Variants in RNF180 observed in about 807,000 individuals in gnomAD.
RNF180 encodes E3 ubiquitin-protein ligase RNF180.
RNF180 carries 38 observed loss-of-function variants against 59.2 expected under a neutral mutation model. That is an observed-to-expected ratio of 0.64 (90% CI 0.50 to 0.84). RNF180 has a LOEUF of 0.84. RNF180 is among the 40% of genes least tolerant of loss of function. The pLI is 0.00. For synonymous variants in RNF180, 262 were observed against 240.3 expected, an observed-to-expected ratio of 1.09 and a Z score of -0.84; for missense variants, 705 against 700.9, an observed-to-expected ratio of 1.01 and a Z score of -0.07.
intron 1 of RNF180, among the ~76,000 whole-genome samples, chr5:64,183,441 CTTT>C (rs367772828): frequency 2.2e-5 from 2 of 89,914 alleles, no homozygotes; most frequent in Admixed American, 1.3e-4. Flanking sequence ...GAAAGTATAC[CTTT>C]TTTTTTTTTT....
intron 1 of RNF180, among the ~76,000 whole-genome samples, chr5:64,194,336 A>G (rs573872387): frequency 9.2e-4 from 140 of 152,288 alleles, no homozygotes; most frequent in Non-Finnish European, 1.3e-3. Context: ...ACAAGAACTC[A>G]TCCTTTTTTA....
intron 1 of RNF180, among the ~76,000 whole-genome samples, chr5:64,199,409 A>C: frequency 6.6e-6 from 1 of 152,024 alleles, no homozygotes; most frequent in African/African-American, 2.4e-5. Context: ...CCCTCGGGTA[A>C]TTTTTTTTAA....
At chr5:64,167,485 T>C (rs1431429094) in intron 1 of RNF180, among the ~76,000 whole-genome samples, 2 of 152,202 alleles carry the variant, frequency 1.3e-5, no homozygotes, top group Non-Finnish European at 2.9e-5. Flanking sequence ...AAAAATAATA[T>C]TGAAAAAATC....
At chr5:64,199,173 T>C (rs1206217612) in intron 1 of RNF180, among the ~76,000 whole-genome samples, 3 of 152,168 alleles carry the variant, frequency 2.0e-5, no homozygotes, top group African/African-American at 7.2e-5. Flanking sequence ...AGTGGTCAAC[T>C]GGGCTAAGAT....
Position 64,214,359 on chromosome 5 carries a change from G to T in RNF180, c.1033G>T (p.Ala345Ser). 1.2e-6 allele frequency: 2 copies of T among 1,614,014 alleles called. No homozygotes were observed. Among genetic ancestry groups the T allele is most frequent in the Non-Finnish European group, 1.7e-6 (2 of 1,179,980 alleles). ...CTCAGCTGGCAGGAGCATGCCGGAGGCCTCAGACCAGGAAGAGCACCTCTC... is the reference window on the plus strand; with the variant it reads ...CTCAGCTGGCAGGAGCATGCCGGAGTCCTCAGACCAGGAAGAGCACCTCTC... ...LPSAGRSMPEASDQEEHLSPL... is the reference protein window; with the variant it reads ...LPSAGRSMPESSDQEEHLSPL... The change falls in exon 4 of 8, where the codon GCC becomes TCC. Residue 345 changes from alanine (A) to serine (S), a missense_variant. By Grantham distance (99) the Ala-to-Ser change is moderately conservative. Coordinates refer to ENST00000389100, the MANE Select transcript of RNF180 (RefSeq NM_001113561.2).
chr5:64,206,181 T>TA (rs1752008220), intron 2 of RNF180, among the ~76,000 whole-genome samples: 3 of 152,334 alleles, frequency 2.0e-5, no homozygotes, highest in South Asian at 4.1e-4. Flanking sequence ...CCATTGGTTT[T>TA]AAAAGAAATC....
chr5:64,354,832 G>C (rs1745954476), intron 7 of RNF180, among the ~76,000 whole-genome samples: 1 of 151,620 alleles, frequency 6.6e-6, no homozygotes, highest in Non-Finnish European at 1.5e-5. Context: ...GGAAGGGATT[G>C]TTTTACTTGA....
At chr5:64,292,378 AG>A (rs1240887062) in intron 5 of RNF180, among the ~76,000 whole-genome samples, 1 of 152,032 alleles carries the variant, frequency 6.6e-6, no homozygotes, top group Admixed American at 6.5e-5. Context: ...ATTATTTTAT[AG>A]GGCTGCTGTG....
At chr5:64,311,261 G>A (rs904261923) in intron 5 of RNF180, among the ~76,000 whole-genome samples, 2 of 151,938 alleles carry the variant, frequency 1.3e-5, no homozygotes, top group Admixed American at 6.6e-5. Context: ...TTGGGATAGA[G>A]GAAGTAAGTT....
At chr5:64,221,013 C>T (rs1463129921) in intron 5 of RNF180, among the ~76,000 whole-genome samples, 1 of 151,994 alleles carries the variant, frequency 6.6e-6, no homozygotes, top group South Asian at 2.1e-4. Flanking sequence ...AAAGACATAT[C>T]TTCTACAAAG....
At chr5:64,291,501 T>C (rs942902280) in intron 5 of RNF180, among the ~76,000 whole-genome samples, 3 of 141,866 alleles carry the variant, frequency 2.1e-5, no homozygotes, top group East Asian at 2.3e-4. Context: ...CTTGGCTCAC[T>C]GCAAGCTCCG....
rs757440879 is a variant in RNF180 at position 64,213,602 on chromosome 5, C to T, written c.276C>T (p.Ala92=). Residue 92 remains alanine (A), a synonymous_variant, in exon 4 of 8, where the codon GCC becomes GCT. Coordinates refer to ENST00000389100, the MANE Select transcript of RNF180 (RefSeq NM_001113561.2). The part of the protein sequence containing the change: ...VGKLNCPFCG[A]RLGGFNFVST... ...AACTGAATTGTCCTTTCTGTGGGGC[C>T]CGTTTAGGGGGCTTTAATTTTGTCA... 60 of 1,613,856 alleles carry T rather than the reference C, an allele frequency of 3.7e-5. 1 individual carries two copies. Among genetic ancestry groups the T allele is most frequent in the Non-Finnish European group, 5.1e-5 (60 of 1,179,912 alleles).
intron 5 of RNF180, among the ~76,000 whole-genome samples, chr5:64,253,012 A>G (rs1213027398): frequency 6.6e-6 from 1 of 152,110 alleles, no homozygotes; most frequent in Non-Finnish European, 1.5e-5. Flanking sequence ...TAAAGGAAGG[A>G]AAAGATACAA....
intron 1 of RNF180, among the ~76,000 whole-genome samples, chr5:64,186,856 A>C (rs190702487): frequency 4.6e-5 from 7 of 152,272 alleles, no homozygotes; most frequent in African/African-American, 1.7e-4. Flanking sequence ...ACATTTTGGA[A>C]AGTGTATTTC....
At chr5:64,367,592 C>A (rs1184690274) in intron 7 of RNF180, among the ~76,000 whole-genome samples, 3 of 151,506 alleles carry the variant, frequency 2.0e-5, no homozygotes, top group African/African-American at 7.3e-5. Flanking sequence ...AAACTTAATA[C>A]ATAAAAAATA....
At chr5:64,366,308 G>A (rs941684140) in intron 7 of RNF180, among the ~76,000 whole-genome samples, 7 of 151,586 alleles carry the variant, frequency 4.6e-5, no homozygotes, top group African/African-American at 1.7e-4. Flanking sequence ...CTTCTGGCTT[G>A]TAAGGTTTCT....
intron 2 of RNF180, among the ~76,000 whole-genome samples, chr5:64,207,935 G>A (rs1752104960): frequency 6.6e-6 from 1 of 151,894 alleles, no homozygotes; most frequent in African/African-American, 2.4e-5. Flanking sequence ...ATTAGCTGAA[G>A]GAATGTTATT....
chr5:64,171,084 T>C (rs1749911269), intron 1 of RNF180, among the ~76,000 whole-genome samples: 1 of 152,130 alleles, frequency 6.6e-6, no homozygotes, highest in Non-Finnish European at 1.5e-5. Context: ...TCATAAGAAG[T>C]TAACTTGTGT....
At chr5:64,221,320 G>T (rs999266852) in intron 5 of RNF180, among the ~76,000 whole-genome samples, 23 of 151,952 alleles carry the variant, frequency 1.5e-4, no homozygotes, top group Non-Finnish European at 1.5e-5. Context: ...ATTTCTTATG[G>T]TTTTATTAAA....
Sources: gnomAD v4.1 joint callset for allele counts (sites outside exome capture counted in the v4.1 genomes callset) on GRCh38, gnomAD v4.1.1 for gene constraint, MANE v1.5 for transcripts, NCBI Gene and HGNC (gene_info 2026-07-23, HGNC 2026-07-21) for gene names.